CFDP1: variants seen among roughly 807,000 people sequenced by gnomAD.
CFDP1 encodes heterochromatin-stabilizing protein CFDP1.
A neutral mutation model predicts 40.1 loss-of-function variants in CFDP1; 31 were observed. The observed-to-expected ratio is 0.77, with a 90% CI of 0.58 to 1.04. The LOEUF is 1.04. Ranked by LOEUF, CFDP1 falls within the 50% of genes least tolerant of loss-of-function variation. CFDP1 has a pLI of 0.00. For missense variants in CFDP1, 423 were observed against 343.4 expected (o/e 1.23, Z -1.83); for synonymous variants, 167 against 120.0 (o/e 1.39, Z -2.56).
intron 1 of CFDP1, among the ~76,000 whole-genome samples, chr16:75,428,087 G>A (rs1299595290): frequency 2.0e-5 from 3 of 152,130 alleles, no homozygotes; most frequent in East Asian, 3.9e-4. Flanking sequence ...GGGGCCGGGG[G>A]TGAGGGAGAG....
rs753348138 is a variant in CFDP1 at position 75,339,999 on chromosome 16, TTTTG to T, written c.651-34821_651-34818del. Among the ~76,000 whole-genome samples, 272 of 152,316 alleles carry T rather than the reference TTTTG, an allele frequency of 1.8e-3. 1 individual carries two copies. The highest frequency in any genetic ancestry group is 3.6e-3 in the African/African-American group (149 of 41,568). ...CTGTTACTTTTTATGATTTTTCTGG[TTTTG>T]TTTATTATTTTCTCATACTAGTTTT... On this transcript the variant is annotated intron_variant, in intron 5 of 6. Coordinates refer to ENST00000283882, the MANE Select transcript of CFDP1 (RefSeq NM_006324.3).
intron 6 of CFDP1, 132 bp downstream of exon 6, chr16:75,304,892 C>T: frequency 1.0e-6 from 1 of 988,156 alleles, no homozygotes; most frequent in Non-Finnish European, 1.5e-6. Flanking sequence ...TACTGACAAA[C>T]CAAAGTGCTC....
chr16:75,406,241 G>A (rs964085007), intron 4 of CFDP1, among the ~76,000 whole-genome samples: 5 of 152,026 alleles, frequency 3.3e-5, no homozygotes, highest in African/African-American at 9.7e-5. Context: ...CTAGGCATGG[G>A]TGACCAATGC....
chr16:75,303,646 T>C (rs994879105), intron 6 of CFDP1, among the ~76,000 whole-genome samples: 2 of 151,978 alleles, frequency 1.3e-5, no homozygotes, highest in Non-Finnish European at 2.9e-5. Flanking sequence ...CTGGGCAACA[T>C]AGTGAGACCC....
intron 5 of CFDP1, among the ~76,000 whole-genome samples, chr16:75,327,763 G>A (rs1028243428): frequency 3.3e-5 from 5 of 152,156 alleles, no homozygotes; most frequent in Non-Finnish European, 7.4e-5. Flanking sequence ...GACTCTTGTC[G>A]CCCAGGCTGG....
At chr16:75,330,270 A>G (rs182993299) in intron 5 of CFDP1, among the ~76,000 whole-genome samples, 2 of 152,344 alleles carry the variant, frequency 1.3e-5, no homozygotes, top group East Asian at 3.9e-4. Context: ...CTAGTCATTA[A>G]GACAGCCTGA....
At chr16:75,432,863 A>C (rs1336892064) in intron 1 of CFDP1, among the ~76,000 whole-genome samples, 1 of 152,122 alleles carries the variant, frequency 6.6e-6, no homozygotes, top group Non-Finnish European at 1.5e-5. Context: ...GAACTTTCTA[A>C]CAACCAGGCG....
intron 4 of CFDP1, among the ~76,000 whole-genome samples, chr16:75,408,178 G>A (rs2079120601): frequency 6.6e-6 from 1 of 152,020 alleles, no homozygotes; most frequent in East Asian, 1.9e-4. Context: ...CGCACGCACA[G>A]TACATCTTTT....
At chr16:75,386,040 T>C (rs2151554240) in intron 5 of CFDP1, among the ~76,000 whole-genome samples, 1 of 152,286 alleles carries the variant, frequency 6.6e-6, no homozygotes, top group Admixed American at 6.5e-5. Context: ...AATAAAGTTT[T>C]AAAAGTCTGT....
intron 4 of CFDP1, among the ~76,000 whole-genome samples, chr16:75,400,879 T>C (rs1029808011): frequency 2.0e-5 from 3 of 152,180 alleles, no homozygotes; most frequent in Admixed American, 6.5e-5. Flanking sequence ...ATATCAATTC[T>C]ACTAATATGA....
intron 4 of CFDP1, 119 bp downstream of exon 4, chr16:75,411,706 A>G: frequency 1.9e-6 from 2 of 1,057,432 alleles, no homozygotes; most frequent in Non-Finnish European, 2.8e-6. Context: ...CTTGAGTTCA[A>G]GTATAACTCT....
intron 5 of CFDP1, among the ~76,000 whole-genome samples, chr16:75,362,170 C>G (rs2078684242): frequency 6.6e-6 from 1 of 152,206 alleles, no homozygotes; most frequent in Non-Finnish European, 1.5e-5. Flanking sequence ...ATTTCCTTTT[C>G]CATGTCTGCC....
intron 5 of CFDP1, among the ~76,000 whole-genome samples, chr16:75,362,264 T>A (rs1293458895): frequency 6.6e-6 from 1 of 152,170 alleles, no homozygotes; most frequent in Non-Finnish European, 1.5e-5. Context: ...GCCTATGGCC[T>A]ATGGTGTAGC....
intron 5 of CFDP1, among the ~76,000 whole-genome samples, chr16:75,335,554 A>ATTTTTT (rs71380718): frequency 8.2e-6 from 1 of 121,382 alleles, no homozygotes; most frequent in African/African-American, 3.2e-5. Context: ...ACAAATCTCC[A>ATTTTTT]TTTTTTTTTT....
chr16:75,351,853 C>T (rs976979389), intron 5 of CFDP1, among the ~76,000 whole-genome samples: 2 of 149,536 alleles, frequency 1.3e-5, no homozygotes, highest in Non-Finnish European at 3.0e-5. Flanking sequence ...ATTAAAAATA[C>T]AAAAATTAGC....
intron 1 of CFDP1, among the ~76,000 whole-genome samples, chr16:75,432,736 T>G (rs1291926360): frequency 1.3e-5 from 2 of 152,170 alleles, no homozygotes; most frequent in African/African-American, 4.8e-5. Context: ...ATTTCTTCAG[T>G]AAGATTCATT....
chr16:75,313,693 A>T (rs2078308424), intron 5 of CFDP1, among the ~76,000 whole-genome samples: 1 of 152,208 alleles, frequency 6.6e-6, no homozygotes, highest in Non-Finnish European at 1.5e-5. Context: ...GAGGGATGTT[A>T]TATGGTGAAA....
intron 5 of CFDP1, among the ~76,000 whole-genome samples, chr16:75,360,478 T>A (rs1188849551): frequency 6.6e-6 from 1 of 152,202 alleles, no homozygotes; most frequent in African/African-American, 2.4e-5. Context: ...GTAAAAATAA[T>A]TTAGCACCAG....
At chr16:75,411,525 A>C (rs1567677577) in intron 4 of CFDP1, among the ~76,000 whole-genome samples, 1 of 152,196 alleles carries the variant, frequency 6.6e-6, no homozygotes, top group Non-Finnish European at 1.5e-5. Context: ...ATAAAGGGAG[A>C]CATGACTTAC....
Sources: allele counts gnomAD v4.1 joint callset (sites outside exome capture counted in the v4.1 genomes callset), GRCh38; gene constraint gnomAD v4.1.1; transcripts MANE v1.5; gene names NCBI Gene and HGNC (gene_info 2026-07-23, HGNC 2026-07-21).